ELF5: variants seen among roughly 807,000 people sequenced by gnomAD.
ELF5 encodes E74 like ETS transcription factor 5.
ELF5 carries 31 observed loss-of-function variants against 38.2 expected under a neutral mutation model. The observed-to-expected ratio is 0.81, with a 90% CI of 0.61 to 1.10. The LOEUF (loss-of-function observed/expected upper bound fraction) is 1.10. ELF5 is among the 50% of genes least tolerant of loss of function. ELF5 has a pLI of 0.00. For synonymous variants in ELF5, 121 were observed against 112.5 expected (o/e 1.08, Z -0.48); for missense variants, 300 against 306.6 (o/e 0.98, Z 0.16).
intron 2 of ELF5, among the ~76,000 whole-genome samples, chr11:34,498,624 G>C (rs898908495): frequency 6.6e-6 from 1 of 152,170 alleles, no homozygotes; most frequent in African/African-American, 2.4e-5. Context: ...GCAGAGGAGA[G>C]GGTGATGGTG....
chr11:34,489,942 A>G lies in ELF5; in HGVS notation c.406+67T>C. 3 of 1,566,906 alleles carry G rather than the reference A, an allele frequency of 1.9e-6. No individual in the cohort carries two copies. In the Admixed American group the frequency reaches 5.0e-5, roughly 26 times the overall value. ...AGCTTTTCAGTATGATCCTAAAAGAATGGTCAAGCCCATGTACCAATGACA... is the reference window on the plus strand; with the variant it reads ...AGCTTTTCAGTATGATCCTAAAAGAGTGGTCAAGCCCATGTACCAATGACA... On this transcript the variant is annotated intron_variant, in intron 4 of 6. Coordinates refer to ENST00000257832, the MANE Select transcript of ELF5 (RefSeq NM_001422.4).
intron 1 of ELF5, among the ~76,000 whole-genome samples, chr11:34,508,121 C>T (rs896716918): frequency 6.6e-6 from 1 of 152,162 alleles, no homozygotes; most frequent in African/African-American, 2.4e-5. Context: ...AAAAATGGTT[C>T]ATGCGCCACC....
intron 5 of ELF5, 121 bp downstream of exon 5, chr11:34,482,310 C>T: frequency 1.1e-6 from 1 of 877,606 alleles, no homozygotes; most frequent in Non-Finnish European, 1.8e-6. Flanking sequence ...TTCTTTACTA[C>T]CTTCCTTGGG....
chr11:34,489,015 C>T (rs773660746), intron 4 of ELF5, among the ~76,000 whole-genome samples: 1 of 152,160 alleles, frequency 6.6e-6, no homozygotes, highest in Non-Finnish European at 1.5e-5. Flanking sequence ...AGATGCTACA[C>T]CCCGGGGCCC....
At chr11:34,491,067 T>C (rs1435512986) in intron 3 of ELF5, among the ~76,000 whole-genome samples, 2 of 152,160 alleles carry the variant, frequency 1.3e-5, no homozygotes, top group Non-Finnish European at 2.9e-5. Flanking sequence ...CTCTCCTCCA[T>C]AAAACTGCCT....
intron 4 of ELF5, among the ~76,000 whole-genome samples, chr11:34,489,548 G>A (rs1008084515): frequency 6.6e-6 from 1 of 152,136 alleles, no homozygotes; most frequent in African/African-American, 2.4e-5. Context: ...CATCAACAAG[G>A]CTATTTGAGA....
chr11:34,481,264 T>C (rs1856937813), intron 5 of ELF5, among the ~76,000 whole-genome samples: 1 of 152,146 alleles, frequency 6.6e-6, no homozygotes, highest in Admixed American at 6.5e-5. Context: ...CCTCAGGTGT[T>C]GTACCCGCCT....
chr11:34,483,111 C>G (rs765535601), intron 4 of ELF5, among the ~76,000 whole-genome samples: 11 of 151,824 alleles, frequency 7.2e-5, no homozygotes, highest in Admixed American at 3.3e-4. Flanking sequence ...TCAGGCTCTC[C>G]AGAAACGTGC....
chr11:34,507,404 C>T (rs766186556), intron 1 of ELF5, among the ~76,000 whole-genome samples: 32 of 152,336 alleles, frequency 2.1e-4, no homozygotes, highest in African/African-American at 6.3e-4. Context: ...TCTGAGATTC[C>T]GGGTAATACA....
intron 4 of ELF5, among the ~76,000 whole-genome samples, chr11:34,484,951 T>C (rs1229122816): frequency 6.6e-6 from 1 of 152,142 alleles, no homozygotes; most frequent in Non-Finnish European, 1.5e-5. Context: ...TTAGACCCCT[T>C]ATGAGCCCCA....
At chr11:34,500,868 CT>C (rs11364716) in intron 2 of ELF5, among the ~76,000 whole-genome samples, 20,874 of 150,870 alleles carry the variant, frequency 0.14, 1,567 homozygotes, top group Admixed American at 0.21. Context: ...GGGTTTTGCA[CT>C]TTTTTTTTTC....
chr11:34,513,399 C>A (rs773603509), intron 1 of ELF5, among the ~76,000 whole-genome samples: 1 of 152,250 alleles, frequency 6.6e-6, no homozygotes, highest in Non-Finnish European at 1.5e-5. Flanking sequence ...AGCGCCTGGG[C>A]GCGTTCTCTT....
chr11:34,489,271 A>G (rs1850096719), intron 4 of ELF5, among the ~76,000 whole-genome samples: 2 of 152,240 alleles, frequency 1.3e-5, no homozygotes, highest in Non-Finnish European at 2.9e-5. Context: ...CCATAAGAAC[A>G]GTCCCTCTGT....
chr11:34,512,568 A>G (rs948749953), intron 1 of ELF5, among the ~76,000 whole-genome samples: 1 of 131,192 alleles, frequency 7.6e-6, no homozygotes. Context: ...CGGTTTCCTC[A>G]TCTCTAAAAT....
At chr11:34,492,329 G>C (rs1374270823) in intron 3 of ELF5, 2 of 152,214 alleles carry the variant, frequency 1.3e-5, no homozygotes, top group African/African-American at 4.8e-5. Context: ...ATCAAGAGGA[G>C]GCCAAAGAAT....
At chr11:34,482,407 T>A in intron 5 of ELF5, 24 bp downstream of exon 5, 1 of 1,606,336 alleles carries the variant, frequency 6.2e-7, no homozygotes, top group African/African-American at 1.3e-5. Context: ...GAAATTAGAA[T>A]GAAAACTGGC....
At chr11:34,507,241 G>A (rs1303360075) in intron 1 of ELF5, among the ~76,000 whole-genome samples, 3 of 152,222 alleles carry the variant, frequency 2.0e-5, no homozygotes, top group Non-Finnish European at 4.4e-5. Flanking sequence ...TTGGAGACGA[G>A]TGTGGACCTG....
intron 4 of ELF5, among the ~76,000 whole-genome samples, chr11:34,489,733 A>G (rs1450330416): frequency 6.6e-6 from 1 of 152,138 alleles, no homozygotes; most frequent in Non-Finnish European, 1.5e-5. Context: ...TCATTTCTCA[A>G]ACTTACCACG....
intron 3 of ELF5, chr11:34,493,015 C>T (rs537741037): frequency 1.5e-4 from 31 of 200,672 alleles, no homozygotes; most frequent in Middle Eastern, 2.1e-3. Flanking sequence ...ATGCTATTGG[C>T]GCCACCTTCT....
Sources: gnomAD v4.1 joint callset for allele counts (sites outside exome capture counted in the v4.1 genomes callset) on GRCh38, gnomAD v4.1.1 for gene constraint, MANE v1.5 for transcripts, NCBI Gene and HGNC (gene_info 2026-07-23, HGNC 2026-07-21) for gene names.